ARMC3: variants seen among roughly 807,000 people sequenced by gnomAD.
The protein encoded by ARMC3 is armadillo repeat-containing protein 3.
A neutral mutation model predicts 90.3 loss-of-function variants in ARMC3; 74 were observed. The ratio of observed to expected loss-of-function variants is 0.82; its 90% CI spans 0.68 to 0.99. ARMC3 has a LOEUF of 0.99. Among genes scored for constraint, ARMC3 ranks in the 50% least tolerant of loss-of-function variants. ARMC3 has a pLI of 0.00. For missense variants in ARMC3, 958 were observed against 1,042.8 expected (o/e 0.92, Z 1.12); for synonymous variants, 334 against 361.8 (o/e 0.92, Z 0.87).
At chr10:22,996,800 G>T (rs1369695964) in intron 10 of ARMC3, among the ~76,000 whole-genome samples, 1 of 152,128 alleles carries the variant, frequency 6.6e-6, no homozygotes, top group Non-Finnish European at 1.5e-5. Context: ...ATGGATAATT[G>T]TCATAACTTC....
At chr10:22,983,693 A>G (rs756326505) in intron 10 of ARMC3, among the ~76,000 whole-genome samples, 5 of 152,230 alleles carry the variant, frequency 3.3e-5, no homozygotes, top group Non-Finnish European at 7.3e-5. Flanking sequence ...TATGGAATCA[A>G]ATTTGACAGA....
chr10:22,928,856 T>C (rs986773821), intron 1 of ARMC3, among the ~76,000 whole-genome samples: 1 of 152,184 alleles, frequency 6.6e-6, no homozygotes, highest in Non-Finnish European at 1.5e-5. Flanking sequence ...TATAAGAATT[T>C]AGTAGGAATA....
At chr10:23,000,872 A>T (rs1181282834) in intron 11 of ARMC3, among the ~76,000 whole-genome samples, 1 of 152,210 alleles carries the variant, frequency 6.6e-6, no homozygotes, top group Non-Finnish European at 1.5e-5. Context: ...AGTTGCATAG[A>T]TAATGCAGCA....
chr10:23,021,693 T>G (rs1319024719), intron 16 of ARMC3, among the ~76,000 whole-genome samples: 2 of 152,250 alleles, frequency 1.3e-5, no homozygotes, highest in African/African-American at 4.8e-5. Flanking sequence ...TTGAATTGTT[T>G]AAGTTCTGTA....
rs1375340081 is a variant in ARMC3 at position 22,963,937 on chromosome 10, A to C, written c.732+1859A>C. ...CACACACACACAAAAAAAAAAAAAA[A>C]AAAAAAAAAAAAAGACTAACAAACT... On this transcript the variant is annotated intron_variant, in intron 7 of 18. Transcript: ENST00000298032. 5.6e-3 allele frequency among the ~76,000 whole-genome samples: 703 copies of C among 124,758 alleles called. 3 individuals carry two copies. The highest frequency in any genetic ancestry group is 0.017 in the African/African-American group (623 of 36,388). The allele number at this position is 124,758 out of a possible 152,430, so 81.8% of individuals were successfully genotyped here.
At chr10:22,973,357 A>T (rs1452567729) in intron 8 of ARMC3, among the ~76,000 whole-genome samples, 1 of 150,128 alleles carries the variant, frequency 6.7e-6, no homozygotes, top group African/African-American at 2.4e-5. Context: ...TTTGATTTAT[A>T]GTTAAAAATG....
rs1838897072 is a variant in ARMC3, at chr10:23,030,782, T to C, written c.2232T>C (p.Ile744=). 1 of 1,613,344 alleles carries C rather than the reference T, an allele frequency of 6.2e-7. No individual in the cohort carries two copies. Among genetic ancestry groups the C allele is most frequent in the Admixed American group, 1.7e-5 (1 of 59,914 alleles). ...CAATAACCAATATTAAGGAACAGATTGAGGATCTGGCAAAGTAAGTTGTCT... is the reference window on the plus strand; with the variant it reads ...CAATAACCAATATTAAGGAACAGATCGAGGATCTGGCAAAGTAAGTTGTCT... ...ILPITNIKEQ[I]EDLAKYVAEK... is the part of the protein sequence containing the mutation. Residue 744 remains isoleucine (I), a synonymous_variant, in exon 17 of 19, where the codon ATT becomes ATC. Coordinates refer to ENST00000298032, the MANE Select transcript of ARMC3 (RefSeq NM_173081.5).
At chr10:22,959,260 G>T in intron 5 of ARMC3, 122 bp downstream of exon 5, 1 of 1,313,996 alleles carries the variant, frequency 7.6e-7, no homozygotes, top group South Asian at 1.3e-5. Context: ...TCAAACCACA[G>T]CTCAATTTTG....
At chr10:22,981,760 T>C in intron 10 of ARMC3, 60 bp downstream of exon 10, 1 of 1,390,624 alleles carries the variant, frequency 7.2e-7, no homozygotes, top group Non-Finnish European at 1.0e-6. Flanking sequence ...TCCAAGATGT[T>C]CTCCTGTTAG....
intron 16 of ARMC3, among the ~76,000 whole-genome samples, chr10:23,013,142 G>A (rs951672771): frequency 1.3e-5 from 2 of 151,892 alleles, no homozygotes; most frequent in African/African-American, 2.4e-5. Context: ...CACGTGATCT[G>A]CCTGCCTCGG....
intron 8 of ARMC3, among the ~76,000 whole-genome samples, chr10:22,971,573 T>C (rs1835685955): frequency 6.6e-6 from 1 of 151,702 alleles, no homozygotes; most frequent in African/African-American, 2.4e-5. Flanking sequence ...CCTGAGTAGC[T>C]GGGACTACAG....
chr10:22,970,608 C>T (rs1211658056), intron 8 of ARMC3, among the ~76,000 whole-genome samples: 1 of 152,164 alleles, frequency 6.6e-6, no homozygotes, highest in African/African-American at 2.4e-5. Context: ...AAGGGGGTTG[C>T]TGTAGTAATC....
Position 23,037,644 on chromosome 10 carries a change from T to C in ARMC3, c.*165T>C. 1.5e-6 allele frequency: 1 copy of C among 669,574 alleles called. No homozygotes were observed. Among genetic ancestry groups the C allele is most frequent in the Non-Finnish European group, 2.3e-6 (1 of 432,926 alleles). 41.5% of individuals were successfully genotyped at this position (669,574 alleles called of 1,614,324 possible). ...AGGAAGCTTGGAGTGAACTTTGCTG[T>C]GCTTCTGATTTCAGGCTTTTGGCAA... On this transcript the variant is annotated 3_prime_UTR_variant, in exon 19 of 19. Transcript: ENST00000298032.
chr10:22,988,804 A>C (rs931472843), intron 10 of ARMC3, among the ~76,000 whole-genome samples: 1 of 152,246 alleles, frequency 6.6e-6, no homozygotes, highest in African/African-American at 2.4e-5. Flanking sequence ...CCAGTTACAC[A>C]GACCCACTTA....
chr10:22,993,690 G>A (rs1234523865), intron 10 of ARMC3, among the ~76,000 whole-genome samples: 1 of 152,184 alleles, frequency 6.6e-6, no homozygotes, highest in Admixed American at 6.5e-5. Flanking sequence ...AGCAGAGGGA[G>A]TGATTAACAA....
chr10:22,935,963 T>C (rs191920978), intron 2 of ARMC3, among the ~76,000 whole-genome samples: 2 of 152,328 alleles, frequency 1.3e-5, no homozygotes, highest in East Asian at 3.9e-4. Context: ...CTGGGACCAC[T>C]GATGTAGTAA....
intron 8 of ARMC3, among the ~76,000 whole-genome samples, chr10:22,980,712 T>C (rs1836148446): frequency 6.6e-6 from 1 of 152,180 alleles, no homozygotes; most frequent in African/African-American, 2.4e-5. Flanking sequence ...GGGATGAATA[T>C]AATGGTATGT....
At chr10:22,932,609 A>T (rs981158538) in intron 2 of ARMC3, among the ~76,000 whole-genome samples, 1 of 152,202 alleles carries the variant, frequency 6.6e-6, no homozygotes, top group African/African-American at 2.4e-5. Context: ...AAACTTTATC[A>T]ATTATTGAAA....
intron 10 of ARMC3, 46 bp downstream of exon 10, chr10:22,981,746 A>G (rs1836201703): frequency 1.4e-6 from 2 of 1,480,846 alleles, no homozygotes; most frequent in Non-Finnish European, 1.9e-6. Context: ...GGGACAATTC[A>G]CAGTCCAAGA....
Sources: gnomAD v4.1 joint callset for allele counts (sites outside exome capture counted in the v4.1 genomes callset) on GRCh38, gnomAD v4.1.1 for gene constraint, MANE v1.5 for transcripts, NCBI Gene and HGNC (gene_info 2026-07-23, HGNC 2026-07-21) for gene names.